The following PTPRD variants were observed in gnomAD, a reference collection of about 807,000 sequenced individuals.
The protein encoded by PTPRD is receptor-type tyrosine-protein phosphatase delta.
In PTPRD, 34 loss-of-function variants were observed where a neutral mutation model predicts 214.5. The ratio of observed to expected loss-of-function variants is 0.16; its 90% CI spans 0.12 to 0.21. The LOEUF is 0.21. Among genes scored for constraint, PTPRD ranks in the 10% least tolerant of loss-of-function variants. PTPRD has a pLI of 1.00. For synonymous variants in PTPRD, 1,128 were observed against 845.7 expected (o/e 1.33, Z -5.79); for missense variants, 2,545 against 2,398.7 (o/e 1.06, Z -1.27).
intron 3 of PTPRD, among the ~76,000 whole-genome samples, chr9:10,192,429 C>A (rs2099368042): frequency 9.7e-6 from 1 of 103,028 alleles, no homozygotes; most frequent in Non-Finnish European, 1.8e-5. Context: ...AAAGTATTGG[C>A]AAGGTCACGA....
intron 11 of PTPRD, among the ~76,000 whole-genome samples, chr9:8,737,995 A>C (rs150885570): frequency 0.011 from 1,651 of 152,248 alleles, 15 homozygotes; most frequent in Non-Finnish European, 0.017. Context: ...TCAACCATGT[A>C]TATGAATCTA....
intron 2 of PTPRD, among the ~76,000 whole-genome samples, chr9:10,538,927 A>C (rs1316651384): frequency 1.3e-5 from 2 of 152,110 alleles, no homozygotes; most frequent in African/African-American, 4.8e-5. Context: ...ATAAATACTA[A>C]CTTCTAATAC....
At chr9:9,667,679 C>T (rs1177746669) in intron 7 of PTPRD, among the ~76,000 whole-genome samples, 2 of 152,122 alleles carry the variant, frequency 1.3e-5, no homozygotes, top group African/African-American at 4.8e-5. Flanking sequence ...TTTGGATTAG[C>T]TGCAACATAC....
At chr9:8,491,791 G>A (rs2097156408) in intron 27 of PTPRD, among the ~76,000 whole-genome samples, 1 of 152,106 alleles carries the variant, frequency 6.6e-6, no homozygotes, top group Admixed American at 6.5e-5. Context: ...AGACAAAGCT[G>A]GCAGTGAGCA....
At chr9:8,597,779 G>C (rs1422829009) in intron 14 of PTPRD, among the ~76,000 whole-genome samples, 1 of 152,028 alleles carries the variant, frequency 6.6e-6, no homozygotes, top group African/African-American at 2.4e-5. Flanking sequence ...CATTCATACA[G>C]AATCTGTCTG....
chr9:9,735,275 T>C (rs2098272890), intron 6 of PTPRD, among the ~76,000 whole-genome samples: 1 of 152,142 alleles, frequency 6.6e-6, no homozygotes, highest in Non-Finnish European at 1.5e-5. Flanking sequence ...CAAATATGCC[T>C]GCCTGCTTCT....
intron 35 of PTPRD, among the ~76,000 whole-genome samples, chr9:8,421,647 G>C (rs2094374079): frequency 6.6e-6 from 1 of 152,100 alleles, no homozygotes; most frequent in Non-Finnish European, 1.5e-5. Context: ...TCAAGCTGGA[G>C]TTTGGCCCAA....
intron 10 of PTPRD, among the ~76,000 whole-genome samples, chr9:9,065,712 C>T (rs1041876354): frequency 1.3e-5 from 2 of 152,088 alleles, no homozygotes; most frequent in African/African-American, 4.8e-5. Context: ...GAGTTTTAGA[C>T]TACAAACTTT....
At chr9:9,565,101 C>A (rs1160955572) in intron 8 of PTPRD, among the ~76,000 whole-genome samples, 1 of 151,416 alleles carries the variant, frequency 6.6e-6, no homozygotes. Context: ...AAGTTATATT[C>A]AAATATTTTA....
At chr9:9,087,735 A>C (rs2099769267) in intron 10 of PTPRD, among the ~76,000 whole-genome samples, 1 of 152,122 alleles carries the variant, frequency 6.6e-6, no homozygotes, top group Admixed American at 6.6e-5. Flanking sequence ...TTCCAAAGTT[A>C]AATTTTAAAT....
At chr9:8,957,588 T>A (rs2099137847) in intron 11 of PTPRD, among the ~76,000 whole-genome samples, 1 of 151,896 alleles carries the variant, frequency 6.6e-6, no homozygotes, top group Non-Finnish European at 1.5e-5. Flanking sequence ...TTGCATTTAT[T>A]GCACGATTCC....
At chr9:10,536,411 C>G (rs2057807473) in intron 2 of PTPRD, among the ~76,000 whole-genome samples, 2 of 152,080 alleles carry the variant, frequency 1.3e-5, no homozygotes, top group Non-Finnish European at 2.9e-5. Context: ...GCTGTTGACT[C>G]AAGCATAGAA....
intron 4 of PTPRD, among the ~76,000 whole-genome samples, chr9:9,981,718 A>C (rs930481869): frequency 6.6e-6 from 1 of 152,150 alleles, no homozygotes; most frequent in African/African-American, 2.4e-5. Context: ...CAATGGGGAA[A>C]AAGAAATAGA....
At chr9:10,024,190 T>C (rs550808309) in intron 4 of PTPRD, among the ~76,000 whole-genome samples, 42 of 152,304 alleles carry the variant, frequency 2.8e-4, no homozygotes, top group Non-Finnish European at 4.9e-4. Flanking sequence ...AGCATTTTTA[T>C]CCTTGTTGGT....
intron 5 of PTPRD, among the ~76,000 whole-genome samples, chr9:9,936,020 G>C (rs1477181954): frequency 6.7e-6 from 1 of 150,232 alleles, no homozygotes; most frequent in East Asian, 2.0e-4. Flanking sequence ...AAACTGGCTA[G>C]CCATATGTAG....
chr9:9,794,799 T>C (rs370278040), intron 5 of PTPRD, among the ~76,000 whole-genome samples: 58 of 152,346 alleles, frequency 3.8e-4, no homozygotes, highest in East Asian at 1.9e-3. Flanking sequence ...AAAGGTCTTA[T>C]CTCTTCTGCT....
chr9:8,958,826 G>A (rs1001285187), intron 11 of PTPRD: 6 of 151,968 alleles, frequency 3.9e-5, no homozygotes, highest in African/African-American at 1.2e-4. Flanking sequence ...CAATGGAAAA[G>A]GACTGGAGAT....
At chr9:10,089,870 T>C (rs1023196060) in intron 3 of PTPRD, among the ~76,000 whole-genome samples, 4 of 151,660 alleles carry the variant, frequency 2.6e-5, no homozygotes, top group African/African-American at 7.3e-5. Flanking sequence ...CACCTGACTG[T>C]GTGAGCTACT....
At chr9:8,373,045 A>C (rs2082028227) in intron 39 of PTPRD, among the ~76,000 whole-genome samples, 1 of 151,984 alleles carries the variant, frequency 6.6e-6, no homozygotes, top group African/African-American at 2.4e-5. Flanking sequence ...ATTTTTTGTG[A>C]TTATGTGTAA....
Sources: allele counts gnomAD v4.1 joint callset (sites outside exome capture counted in the v4.1 genomes callset), GRCh38; gene constraint gnomAD v4.1.1; transcripts MANE v1.5; gene names NCBI Gene and HGNC (gene_info 2026-07-23, HGNC 2026-07-21).